UBE3A: variants seen among roughly 807,000 people sequenced by gnomAD.
UBE3A encodes the protein ubiquitin-protein ligase E3A.
In UBE3A, 6 loss-of-function variants were observed where a neutral mutation model predicts 83.4. That is an observed-to-expected ratio of 0.07 (90% confidence interval 0.04 to 0.14). The LOEUF (loss-of-function observed/expected upper bound fraction) is 0.14, where lower values mean the gene tolerates loss of function less well. UBE3A is among the 10% of genes least tolerant of loss of function. The pLI, the probability that UBE3A is intolerant of heterozygous loss-of-function variation, is 1.00. For missense variants in UBE3A, 456 were observed against 1,036.1 expected, an observed-to-expected ratio of 0.44 and a Z score of 7.69; for synonymous variants, 337 against 355.4, an observed-to-expected ratio of 0.95 and a Z score of 0.58.
intron 1 of UBE3A, among the ~76,000 whole-genome samples, chr15:25,423,376 A>T (rs760029421): frequency 4.1e-4 from 62 of 152,328 alleles, no homozygotes; most frequent in African/African-American, 1.4e-3. Flanking sequence ...GTAATTGGCA[A>T]AACCTATCAA....
At chr15:25,378,497 G>A (rs923571403) in intron 4 of UBE3A, among the ~76,000 whole-genome samples, 2 of 152,028 alleles carry the variant, frequency 1.3e-5, no homozygotes, top group Non-Finnish European at 1.5e-5. Context: ...CACACACTGC[G>A]GGGCACTTTG....
At chr15:25,350,403 TTAA>T (rs2076332703) in intron 11 of UBE3A, among the ~76,000 whole-genome samples, 1 of 151,874 alleles carries the variant, frequency 6.6e-6, no homozygotes, top group Admixed American at 6.6e-5. Flanking sequence ...AATTTTCTAC[TTAA>T]TAAATATTTT....
At chr15:25,382,729 T>C (rs2082409981) in intron 4 of UBE3A, among the ~76,000 whole-genome samples, 1 of 151,860 alleles carries the variant, frequency 6.6e-6, no homozygotes, top group Admixed American at 6.6e-5. Flanking sequence ...ATGAAGAGAA[T>C]AGACACAAAC....
At chr15:25,398,167 C>CAAAAAAAAA (rs71127052) in intron 4 of UBE3A, among the ~76,000 whole-genome samples, 48 of 99,142 alleles carry the variant, frequency 4.8e-4, no homozygotes, top group African/African-American at 1.3e-3. Context: ...GACTCTGTCT[C>CAAAAAAAAA]AAAAAAAAAA....
chr15:25,432,841 TAATA>T (rs1317763364), intron 1 of UBE3A, among the ~76,000 whole-genome samples: 3 of 152,200 alleles, frequency 2.0e-5, no homozygotes, highest in African/African-American at 4.8e-5. Flanking sequence ...ATGCAGACCT[TAATA>T]AATAAAGTCT....
In UBE3A at chr15:25,359,283, T is replaced by C. The variant is rs76790209; in HGVS notation, c.1753+1100A>G. On this transcript the variant is annotated intron_variant, in intron 7 of 12. Transcript: ENST00000648336. ...TAAGGTTTACCAAATTTAAGAACTT[T>C]ATGAAGTTTATAATTTTCTATCTCA... Among the ~76,000 whole-genome samples the C allele has an allele frequency of 3.9e-3, 588 of 152,314 alleles. 2 individuals carry two copies. Among genetic ancestry groups the C allele is most frequent in the African/African-American group, 0.013 (561 of 41,562 alleles).
intron 5 of UBE3A, among the ~76,000 whole-genome samples, chr15:25,372,795 T>G (rs575485639): frequency 1.1e-4 from 17 of 152,340 alleles, no homozygotes; most frequent in Non-Finnish European, 1.9e-4. Context: ...CTTGAGAGGT[T>G]AATTTTAGAG....
chr15:25,408,248 C>T (rs1369128848), intron 3 of UBE3A: 2 of 270,608 alleles, frequency 7.4e-6, no homozygotes, highest in African/African-American at 2.2e-5. Context: ...GAAATATATA[C>T]CACCTAGCAA....
intron 11 of UBE3A, chr15:25,347,181 G>C (rs969512768): frequency 3.3e-5 from 5 of 152,152 alleles, no homozygotes; most frequent in Non-Finnish European, 5.9e-5. Context: ...ACATACAACA[G>C]AGCATCACTC....
chr15:25,398,910 G>A (rs1038135255), intron 4 of UBE3A, among the ~76,000 whole-genome samples: 3 of 149,068 alleles, frequency 2.0e-5, no homozygotes, highest in Non-Finnish European at 3.0e-5. Context: ...CATAAATGCT[G>A]TACTAATTTA....
At chr15:25,433,749 T>C (rs1269706592) in intron 1 of UBE3A, among the ~76,000 whole-genome samples, 1 of 152,060 alleles carries the variant, frequency 6.6e-6, no homozygotes, top group Non-Finnish European at 1.5e-5. Flanking sequence ...TAGAATCAAA[T>C]AGTAACGACT....
chr15:25,414,102 G>C (rs1004692173), intron 1 of UBE3A, among the ~76,000 whole-genome samples: 1 of 152,044 alleles, frequency 6.6e-6, no homozygotes, highest in Non-Finnish European at 1.5e-5. Context: ...ATTACCAACG[G>C]TACACATCCA....
At chr15:25,339,438 T>G (rs898420520) in intron 12 of UBE3A, 181 bp from the exon 13 acceptor site, 2 of 653,220 alleles carry the variant, frequency 3.1e-6, no homozygotes, top group Non-Finnish European at 4.8e-6. Context: ...TCCTATAAAT[T>G]ACTCAAAGCT....
chr15:25,398,167 C>CAAAAA lies in UBE3A; in HGVS notation c.62+7289_62+7293dup, dbSNP rs71127052. ...TGGGTGACAAAGCAAGACTCTGTCT[C>CAAAAA]AAAAAAAAAAAAAAAAAAAAAAAAC... On this transcript the variant is annotated intron_variant, in intron 4 of 12. Transcript: ENST00000648336. 2.2e-3 allele frequency among the ~76,000 whole-genome samples: 223 copies of CAAAAA among 99,134 alleles called. 6 individuals are homozygous for CAAAAA. The highest frequency in any genetic ancestry group is 0.011 in the African/African-American group (211 of 18,566). The allele number at this position is 99,134 out of a possible 152,430, so 65.0% of individuals were successfully genotyped here.
intron 1 of UBE3A, among the ~76,000 whole-genome samples, chr15:25,412,467 A>C (rs570030226): frequency 6.6e-6 from 1 of 152,332 alleles, no homozygotes; most frequent in African/African-American, 2.4e-5. Flanking sequence ...AAATGCGTTA[A>C]AAAGTTATAG....
intron 1 of UBE3A, among the ~76,000 whole-genome samples, chr15:25,426,696 G>C (rs1891411549): frequency 1.3e-5 from 2 of 152,166 alleles, no homozygotes; most frequent in Non-Finnish European, 2.9e-5. Flanking sequence ...CTAATTCTAA[G>C]TGAACCAGAC....
intron 3 of UBE3A, chr15:25,408,532 T>C: frequency 6.6e-7 from 1 of 1,521,010 alleles, no homozygotes; most frequent in Non-Finnish European, 9.1e-7. Context: ...ATTTTAGGTC[T>C]TGATTTGAAT....
At chr15:25,362,047 A>G (rs1413397653) in intron 6 of UBE3A, among the ~76,000 whole-genome samples, 1 of 152,210 alleles carries the variant, frequency 6.6e-6, no homozygotes. Flanking sequence ...GTGGTTTGCA[A>G]TCAGCAATGG....
intron 11 of UBE3A, among the ~76,000 whole-genome samples, chr15:25,347,700 G>C (rs115556595): frequency 2.0e-5 from 3 of 151,764 alleles, no homozygotes; most frequent in Non-Finnish European, 4.4e-5. Flanking sequence ...ACTGTGTCTC[G>C]AAACAAAAAC....
Sources: gnomAD v4.1 joint callset for allele counts (sites outside exome capture counted in the v4.1 genomes callset) on GRCh38, gnomAD v4.1.1 for gene constraint, MANE v1.5 for transcripts, NCBI Gene and HGNC (gene_info 2026-07-23, HGNC 2026-07-21) for gene names.